Variants in PACRG observed in about 807,000 individuals in gnomAD.
PACRG encodes parkin coregulated, also known as parkin coregulated gene protein.
Under a neutral mutation model 29.7 loss-of-function variants are expected in PACRG, and 29 were observed. The ratio of observed to expected loss-of-function variants is 0.98; its 90% CI spans 0.73 to 1.33. The LOEUF is 1.33. Ranked by LOEUF, PACRG falls within the 40% of genes most tolerant of loss-of-function variation. PACRG has a pLI of 0.00. For synonymous variants in PACRG, 116 were observed against 118.7 expected (o/e 0.98, Z 0.15); for missense variants, 279 against 316.2 (o/e 0.88, Z 0.89).
intron 2 of PACRG, among the ~76,000 whole-genome samples, chr6:162,856,512 G>A (rs1791412460): frequency 3.9e-5 from 6 of 152,090 alleles, no homozygotes; most frequent in Admixed American, 3.9e-4. Context: ...GAATCATCCC[G>A]AGTCTCCTGC....
rs1014514045 is a variant in PACRG, at chr6:163,098,681, A to G, written c.613+9273A>G. 5.9e-5 allele frequency among the ~76,000 whole-genome samples: 9 copies of G among 152,350 alleles called. No homozygotes were observed. In the South Asian group the frequency reaches 1.0e-3, roughly 18 times the overall value. ...GCAAGACAGAATTCAGGGCAAGTCC[A>G]TAAAGTAAAGTGAAAGCAAGTTTAT... On this transcript the variant is annotated intron_variant, in intron 4 of 4. Transcript: ENST00000366888.
chr6:162,790,318 G>T (rs545567334), intron 1 of PACRG, among the ~76,000 whole-genome samples: 4 of 151,988 alleles, frequency 2.6e-5, no homozygotes, highest in African/African-American at 9.7e-5. Flanking sequence ...AGGTTCAGTG[G>T]ATACATTTGC....
chr6:163,191,071 C>T (rs111558082), intron 4 of PACRG: 7,822 of 420,290 alleles, frequency 0.019, 155 homozygotes, highest in East Asian at 0.066. Flanking sequence ...AACAAACAAA[C>T]AAAAAACCTG....
intron 4 of PACRG, among the ~76,000 whole-genome samples, chr6:163,113,889 T>G (rs1815842386): frequency 6.6e-6 from 1 of 152,238 alleles, no homozygotes; most frequent in Non-Finnish European, 1.5e-5. Context: ...AACTCCACAT[T>G]TTGTTTTCTA....
At chr6:163,314,392 C>T (rs955651260) in intron 4 of PACRG, among the ~76,000 whole-genome samples, 3 of 152,184 alleles carry the variant, frequency 2.0e-5, no homozygotes, top group African/African-American at 7.2e-5. Flanking sequence ...AGCAGAGATG[C>T]GGGTGGGGGC....
intron 4 of PACRG, among the ~76,000 whole-genome samples, chr6:163,113,996 T>C (rs1456716350): frequency 6.6e-6 from 1 of 152,204 alleles, no homozygotes; most frequent in African/African-American, 2.4e-5. Flanking sequence ...CGATAACTGA[T>C]CCCAACACTT....
intron 4 of PACRG, among the ~76,000 whole-genome samples, chr6:163,256,203 T>C (rs1256299091): frequency 6.6e-6 from 1 of 152,234 alleles, no homozygotes; most frequent in Non-Finnish European, 1.5e-5. Context: ...AATCAGCTAT[T>C]AATCCTCCCC....
intron 2 of PACRG, among the ~76,000 whole-genome samples, chr6:162,856,529 G>A (rs544175451): frequency 6.6e-6 from 1 of 152,234 alleles, no homozygotes; most frequent in East Asian, 1.9e-4. Context: ...CTGCAGCCCT[G>A]GAGCATCTTC....
intron 1 of PACRG, among the ~76,000 whole-genome samples, chr6:162,812,863 A>G (rs1254209614): frequency 6.6e-6 from 1 of 152,102 alleles, no homozygotes. Flanking sequence ...GTAAAAGGAA[A>G]TCTTCCTTCC....
chr6:163,222,263 C>G (rs1331408302), intron 4 of PACRG, among the ~76,000 whole-genome samples: 1 of 152,172 alleles, frequency 6.6e-6, no homozygotes, highest in Non-Finnish European at 1.5e-5. Context: ...CCCCCATGGT[C>G]CATCGCAACC....
chr6:163,035,830 A>AC, intron 2 of PACRG, among the ~76,000 whole-genome samples: 1 of 151,238 alleles, frequency 6.6e-6, no homozygotes, highest in Non-Finnish European at 1.5e-5. Flanking sequence ...AAAAAAAAAA[A>AC]AAAACAAAGA....
At chr6:163,245,681 C>A (rs1782666463) in intron 4 of PACRG, among the ~76,000 whole-genome samples, 2 of 152,122 alleles carry the variant, frequency 1.3e-5, no homozygotes, top group Admixed American at 1.3e-4. Context: ...ACCCCTCTCC[C>A]CACCACACAC....
chr6:163,010,298 A>G (rs80220255), intron 2 of PACRG, among the ~76,000 whole-genome samples: 3 of 152,226 alleles, frequency 2.0e-5, no homozygotes, highest in Non-Finnish European at 4.4e-5. Context: ...ACCAAAATCC[A>G]TTTTTAAAAA....
At chr6:162,827,888 A>G (rs945018898) in intron 2 of PACRG, among the ~76,000 whole-genome samples, 1 of 151,860 alleles carries the variant, frequency 6.6e-6, no homozygotes, top group African/African-American at 2.4e-5. Context: ...CAGATTGAGT[A>G]CCCTTCTTGG....
rs563105181 is a variant in PACRG at position 163,004,700 on chromosome 6, T to C, written c.292-57450T>C. On this transcript the variant is annotated intron_variant, in intron 2 of 4. Coordinates refer to ENST00000366888, the MANE Select transcript of PACRG (RefSeq NM_001080379.2). ...ACCATATCAAATGTATACAAAGTTC[T>C]AGTGTGTGTGTGTGTGTGTGTGTGT... is the stretch of plus-strand genomic sequence containing the variant. Among the ~76,000 whole-genome samples, 31 of 91,328 alleles carry C rather than the reference T, an allele frequency of 3.4e-4. No individual in the cohort carries two copies. In the East Asian group the frequency reaches 5.1e-3, roughly 15 times the overall value. 59.9% of individuals were successfully genotyped at this position (91,328 alleles called of 152,430 possible).
rs558484884 is a variant in PACRG, at chr6:163,141,003, A to G, written c.613+51595A>G. On this transcript the variant is annotated intron_variant, in intron 4 of 4. Coordinates refer to ENST00000366888, the MANE Select transcript of PACRG (RefSeq NM_001080379.2). ...TATTTCCAATTGAGAAAGATTAAATATGTAAATTGTATCCTAAGCACAGTG... is the reference window on the plus strand; with the variant it reads ...TATTTCCAATTGAGAAAGATTAAATGTGTAAATTGTATCCTAAGCACAGTG... 6.6e-5 allele frequency among the ~76,000 whole-genome samples: 10 copies of G among 152,298 alleles called. No homozygotes were observed. The South Asian group carries it at 1.9e-3, about 28-fold the overall frequency.
At chr6:163,131,322 AAAAAAAAAAAAAAAAG>A (rs1308074250) in intron 4 of PACRG, among the ~76,000 whole-genome samples, 8 of 21,944 alleles carry the variant, frequency 3.6e-4, no homozygotes, top group Non-Finnish European at 9.4e-4. Flanking sequence ...AAACAAAAAA[AAAAAAAAAAAAAAAAG>A]AAGAAGAGAA....
chr6:163,207,009 G>A (rs756486658), intron 4 of PACRG, among the ~76,000 whole-genome samples: 48 of 152,238 alleles, frequency 3.2e-4, no homozygotes, highest in African/African-American at 9.9e-4. Flanking sequence ...AGTTTGGTTC[G>A]TGTGGGACAT....
intron 2 of PACRG, among the ~76,000 whole-genome samples, chr6:162,903,721 G>A (rs1250642493): frequency 6.6e-6 from 1 of 152,090 alleles, no homozygotes; most frequent in African/African-American, 2.4e-5. Flanking sequence ...ACCGTATCAG[G>A]GAATATATAC....
Sources: allele counts gnomAD v4.1 joint callset (sites outside exome capture counted in the v4.1 genomes callset), GRCh38; gene constraint gnomAD v4.1.1; transcripts MANE v1.5; gene names NCBI Gene and HGNC (gene_info 2026-07-23, HGNC 2026-07-21).